ERBB4: variants seen among roughly 807,000 people sequenced by gnomAD.
The protein encoded by ERBB4 is erb-b2 receptor tyrosine kinase 4.
Under a neutral mutation model 158.0 loss-of-function variants are expected in ERBB4, and 42 were observed. The observed-to-expected ratio is 0.27, with a 90% CI of 0.21 to 0.34. The LOEUF is 0.34. Among genes scored for constraint, ERBB4 ranks in the 10% least tolerant of loss-of-function variants. The pLI is 1.00. For synonymous variants in ERBB4, 583 were observed against 558.7 expected (o/e 1.04, Z -0.61); for missense variants, 1,333 against 1,624.1 (o/e 0.82, Z 3.08).
chr2:211,566,527 T>C (rs1160806993), intron 19 of ERBB4, among the ~76,000 whole-genome samples: 1 of 152,158 alleles, frequency 6.6e-6, no homozygotes, highest in Non-Finnish European at 1.5e-5. Context: ...TGTATCTCAG[T>C]AAACATTTGA....
intron 3 of ERBB4, among the ~76,000 whole-genome samples, chr2:211,791,189 T>C (rs1014351965): frequency 2.0e-5 from 3 of 151,940 alleles, no homozygotes; most frequent in South Asian, 2.1e-4. Context: ...CTTGGTTGAC[T>C]ACAGAGGCTT....
Position 212,354,409 on chromosome 2 carries a change from G to A in ERBB4, c.82+184040C>T, listed in dbSNP as rs190525395. Among the ~76,000 whole-genome samples, 29 of 152,140 alleles carry A rather than the reference G, an allele frequency of 1.9e-4. No homozygotes were observed. The East Asian group carries it at 5.4e-3, about 28-fold the overall frequency. On this transcript the variant is annotated intron_variant, in intron 1 of 27. Coordinates refer to ENST00000342788, the MANE Select transcript of ERBB4 (RefSeq NM_005235.3). ...ATGAGGGGTGCCACATGAGAGAAGG[G>A]TAGCAAATGTAAATTTCTAGATCTC...
chr2:211,635,972 G>T (rs2070342522), intron 16 of ERBB4, among the ~76,000 whole-genome samples: 1 of 151,916 alleles, frequency 6.6e-6, no homozygotes, highest in African/African-American at 2.4e-5. Flanking sequence ...ATGAATCAAA[G>T]ACTTTCACTT....
intron 2 of ERBB4, among the ~76,000 whole-genome samples, chr2:211,998,543 A>AG (rs1559282008): frequency 6.6e-6 from 1 of 151,768 alleles, no homozygotes; most frequent in Admixed American, 6.6e-5. Context: ...AAAAAAAAAA[A>AG]AAAAGAAATA....
At chr2:212,424,530 C>G (rs1266355025) in intron 1 of ERBB4, among the ~76,000 whole-genome samples, 1 of 151,954 alleles carries the variant, frequency 6.6e-6, no homozygotes, top group Non-Finnish European at 1.5e-5. Flanking sequence ...AAAAAGAGAG[C>G]CTTGCTATTT....
intron 1 of ERBB4, among the ~76,000 whole-genome samples, chr2:212,394,953 C>T (rs549445471): frequency 4.3e-4 from 65 of 152,208 alleles, no homozygotes; most frequent in African/African-American, 1.5e-3. Flanking sequence ...TGGCCTTAAA[C>T]GTCAACTTCC....
rs144842611 is a variant in ERBB4, at chr2:211,383,983, C to T, written c.3559G>A (p.Glu1187Lys). ...NGDLQALDNP[E>K]YHNASNGPPK... ...GGACCATTGGATGCATTGTGATATT[C>T]GGGATTATCCAATGCTTGAAGGTCT... Residue 1187 changes from glutamate (E) to lysine (K), a missense_variant, in exon 28 of 28, where the codon GAA (glutamate) becomes AAA (lysine). By Grantham distance (56) the Glu-to-Lys change is moderately conservative. Coordinates refer to ENST00000342788, the MANE Select transcript of ERBB4 (RefSeq NM_005235.3). 8.7e-6 allele frequency: 14 copies of T among 1,613,842 alleles called. No homozygotes were observed. The highest frequency in any genetic ancestry group is 2.2e-5 in the East Asian group (1 of 44,878).
intron 3 of ERBB4, among the ~76,000 whole-genome samples, chr2:211,805,120 T>C (rs1048398833): frequency 1.3e-5 from 2 of 152,128 alleles, no homozygotes; most frequent in Non-Finnish European, 2.9e-5. Context: ...GGTTTCACCA[T>C]GTTGGCCAGG....
intron 1 of ERBB4, among the ~76,000 whole-genome samples, chr2:212,453,235 C>G (rs897087353): frequency 2.0e-5 from 3 of 152,168 alleles, no homozygotes; most frequent in Non-Finnish European, 2.9e-5. Flanking sequence ...TTACCCCCTC[C>G]GCATATAGAC....
intron 1 of ERBB4, among the ~76,000 whole-genome samples, chr2:212,281,694 C>T (rs535801831): frequency 1.3e-5 from 2 of 151,874 alleles, no homozygotes; most frequent in South Asian, 4.2e-4. Flanking sequence ...CTCTATGGCA[C>T]ATTATGTGGT....
chr2:211,910,532 C>T (rs1233887326), intron 3 of ERBB4, among the ~76,000 whole-genome samples: 1 of 151,392 alleles, frequency 6.6e-6, no homozygotes, highest in African/African-American at 2.4e-5. Flanking sequence ...AATGAGAACA[C>T]ATAGACACAT....
intron 1 of ERBB4, among the ~76,000 whole-genome samples, chr2:212,449,043 T>G (rs1355687351): frequency 1.3e-5 from 2 of 152,140 alleles, no homozygotes; most frequent in Non-Finnish European, 2.9e-5. Flanking sequence ...ACAGATTGTA[T>G]GTGTGTGTGT....
chr2:212,498,338 C>G (rs1690697194), intron 1 of ERBB4, among the ~76,000 whole-genome samples: 1 of 152,078 alleles, frequency 6.6e-6, no homozygotes, highest in Non-Finnish European at 1.5e-5. Flanking sequence ...AAGTGACTTA[C>G]CATTTCCCAA....
chr2:211,435,967 T>TGG, intron 20 of ERBB4, among the ~76,000 whole-genome samples: 1 of 152,202 alleles, frequency 6.6e-6, no homozygotes, highest in Non-Finnish European at 1.5e-5. Flanking sequence ...TTCTTTGTTT[T>TGG]TTTTTTTGAG....
rs550730772 is a variant in ERBB4, at chr2:212,086,545, T to C, written c.234+38207A>G. 9.9e-5 allele frequency among the ~76,000 whole-genome samples: 15 copies of C among 152,140 alleles called. 1 individual carries two copies. Among genetic ancestry groups the C allele is most frequent in the African/African-American group, 3.6e-4 (15 of 41,540 alleles). ...CTTAGCTTCTTTATGTCTAACTATT[T>C]AATTTTATGAATGTGGTAATCAAGG... is the stretch of plus-strand genomic sequence containing the variant. On this transcript the variant is annotated intron_variant, in intron 2 of 27. Transcript: ENST00000342788.
intron 5 of ERBB4, among the ~76,000 whole-genome samples, chr2:211,731,521 T>C (rs1019361435): frequency 1.4e-4 from 21 of 152,146 alleles, no homozygotes; most frequent in African/African-American, 4.8e-4. Flanking sequence ...AAAAACACTG[T>C]AATGGGCTTC....
intron 5 of ERBB4, among the ~76,000 whole-genome samples, chr2:211,749,496 G>A (rs1259987417): frequency 1.4e-5 from 2 of 147,510 alleles, no homozygotes; most frequent in African/African-American, 4.9e-5. Flanking sequence ...AGAGCTGAGG[G>A]AAAAAGGTGG....
At position 212,331,361 on chromosome 2, in the gene ERBB4, T is replaced by C. The variant is rs144215326; in HGVS notation, c.83-206458A>G. 2.6e-3 allele frequency among the ~76,000 whole-genome samples: 391 copies of C among 151,688 alleles called. 4 individuals are homozygous for C. The highest frequency in any genetic ancestry group is 0.013 in the Admixed American group (196 of 15,204). The stretch of plus-strand genomic sequence containing the variant: ...AACCGAGAATGTCTCAATGCTGACA[T>C]TGAGGGGAATCTCGCAATGTTCTGT... On this transcript the variant is annotated intron_variant, in intron 1 of 27. Coordinates refer to ENST00000342788, the MANE Select transcript of ERBB4 (RefSeq NM_005235.3).
intron 1 of ERBB4, among the ~76,000 whole-genome samples, chr2:212,376,670 T>G (rs28529590): frequency 6.6e-6 from 1 of 151,934 alleles, no homozygotes; most frequent in Non-Finnish European, 1.5e-5. Flanking sequence ...AGGACACTCA[T>G]TTTCTTCAGT....
Sources: gnomAD v4.1 joint callset for allele counts (sites outside exome capture counted in the v4.1 genomes callset) on GRCh38, gnomAD v4.1.1 for gene constraint, MANE v1.5 for transcripts, NCBI Gene and HGNC (gene_info 2026-07-23, HGNC 2026-07-21) for gene names.